The following OVCH1 variants were observed in gnomAD, a reference collection of about 807,000 sequenced individuals.
The protein encoded by OVCH1 is ovochymase 1, also known as ovochymase-1.
OVCH1 carries 139 observed loss-of-function variants against 138.4 expected under a neutral mutation model. The observed-to-expected ratio is 1.00, with a 90% CI of 0.87 to 1.16. The LOEUF is 1.16. Ranked by LOEUF, OVCH1 falls within the 50% of genes most tolerant of loss-of-function variation. The pLI is 0.00. For synonymous variants in OVCH1, 453 were observed against 467.8 expected (o/e 0.97, Z 0.41); for missense variants, 1,367 against 1,357.9 (o/e 1.01, Z -0.11).
At chr12:29,464,136 A>T (rs967852971) in intron 18 of OVCH1, among the ~76,000 whole-genome samples, 13 of 152,306 alleles carry the variant, frequency 8.5e-5, no homozygotes, top group Admixed American at 4.6e-4. Context: ...TAAATTTTAT[A>T]AATTAAGTTC....
chr12:29,497,578 G>A (rs751592086), intron 1 of OVCH1, 45 bp downstream of exon 1: 2 of 1,607,340 alleles, frequency 1.2e-6, no homozygotes, highest in Non-Finnish European at 1.7e-6. Flanking sequence ...TCTCCAGCAC[G>A]CTCAGCCTCC....
intron 16 of OVCH1, among the ~76,000 whole-genome samples, chr12:29,466,052 A>T (rs1458332429): frequency 1.4e-5 from 2 of 138,864 alleles, no homozygotes; most frequent in Non-Finnish European, 3.1e-5. Context: ...AATAATGAGA[A>T]CACCTAGACA....
At chr12:29,437,708 T>C (rs1287797278) in intron 26 of OVCH1, among the ~76,000 whole-genome samples, 2 of 152,214 alleles carry the variant, frequency 1.3e-5, no homozygotes, top group Non-Finnish European at 2.9e-5. Context: ...ACAAGAGATT[T>C]AATTTAGATT....
chr12:29,415,939 T>C (rs73069506), intron 3 of OVCH1, among the ~76,000 whole-genome samples: 2 of 151,916 alleles, frequency 1.3e-5, no homozygotes, highest in Non-Finnish European at 1.5e-5. Flanking sequence ...TGTGAAAGGA[T>C]AGAAACATAG....
At chr12:29,472,595 C>G (rs1410186997) in intron 15 of OVCH1, among the ~76,000 whole-genome samples, 1 of 152,138 alleles carries the variant, frequency 6.6e-6, no homozygotes, top group African/African-American at 2.4e-5. Context: ...CTATTCCAGT[C>G]CATCAACTTG....
At position 29,462,137 on chromosome 12, in the gene OVCH1, G is replaced by A. The variant is rs928253785; in HGVS notation, c.2126-129C>T. The A allele has an allele frequency of 1.1e-5, 11 of 1,007,264 alleles. No homozygotes were observed. In the African/African-American group the frequency reaches 1.4e-4, roughly 13 times the overall value. The allele number at this position is 1,007,264 out of a possible 1,614,324, so 62.4% of individuals were successfully genotyped here. A position where few individuals can be genotyped will look rare whatever the true frequency, so the allele number is the denominator to read the frequency against. On this transcript the variant is annotated intron_variant, in intron 18 of 27. Transcript: ENST00000318184. ...GTCATTCAGTTTGGCCTGAGCTGATGTAGAATTCTGAATTTAAAAAATACA... is the reference window on the plus strand; with the variant it reads ...GTCATTCAGTTTGGCCTGAGCTGATATAGAATTCTGAATTTAAAAAATACA...
chr12:29,452,931 G>C (rs752683985), intron 21 of OVCH1, among the ~76,000 whole-genome samples: 1 of 152,236 alleles, frequency 6.6e-6, no homozygotes, highest in South Asian at 2.1e-4. Flanking sequence ...AGTTTTTGGC[G>C]TGCATAACCA....
At chr12:29,439,261 A>G in intron 26 of OVCH1, 1 of 1,309,286 alleles carries the variant, frequency 7.6e-7, no homozygotes, top group Non-Finnish European at 9.8e-7. Context: ...CACTTCTCTT[A>G]TTTATTGTTC....
At chr12:29,415,202 A>G (rs1941016357) in intron 3 of OVCH1, among the ~76,000 whole-genome samples, 1 of 152,216 alleles carries the variant, frequency 6.6e-6, no homozygotes. Context: ...AGTAGGAAGC[A>G]CAGTCCTCGG....
chr12:29,419,864 A>C (rs899262225), intron 3 of OVCH1, among the ~76,000 whole-genome samples: 1 of 152,188 alleles, frequency 6.6e-6, no homozygotes, highest in Admixed American at 6.5e-5. Flanking sequence ...CTCCCCAAAC[A>C]GTTTTGAACA....
At chr12:29,486,651 G>A (rs2136071842) in intron 7 of OVCH1, among the ~76,000 whole-genome samples, 1 of 152,236 alleles carries the variant, frequency 6.6e-6, no homozygotes, top group East Asian at 1.9e-4. Context: ...CCAAAGCATA[G>A]CCAGTTCTGG....
At chr12:29,478,864 G>A in exon 9 of OVCH1, 1 of 1,593,710 alleles carries the variant, frequency 6.3e-7, no homozygotes, top group Non-Finnish European at 8.5e-7. Flanking sequence ...TGATCGTAAA[G>A]ATACATAGTC....
chr12:29,424,295 G>T (rs1382803355), downstream of OVCH1, among the ~76,000 whole-genome samples: 1 of 152,184 alleles, frequency 6.6e-6, no homozygotes, highest in Non-Finnish European at 1.5e-5. Flanking sequence ...GTTTAAGAAC[G>T]CCTTTAAGCA....
intron 3 of OVCH1, among the ~76,000 whole-genome samples, chr12:29,412,971 T>TCCTA (rs1940979691): frequency 6.6e-6 from 1 of 151,496 alleles, no homozygotes; most frequent in Admixed American, 6.6e-5. Context: ...CTCCTAAGCC[T>TCCTA]ACTAACTAAC....
chr12:29,436,612 T>C (rs1319146283), intron 26 of OVCH1, among the ~76,000 whole-genome samples: 1 of 152,152 alleles, frequency 6.6e-6, no homozygotes, highest in Non-Finnish European at 1.5e-5. Flanking sequence ...AAAGATGGCG[T>C]GTCTAGAGTT....
rs1174730071 is a variant in OVCH1 at position 29,476,956 on chromosome 12, ATTTCT to A, written c.1377+141_1377+145del. 9 of 991,858 alleles carry A rather than the reference ATTTCT, an allele frequency of 9.1e-6. No homozygotes were observed. In the Admixed American group the frequency reaches 1.0e-4, roughly 11 times the overall value. The allele number at this position is 991,858 out of a possible 1,614,324, so 61.4% of individuals were successfully genotyped here. The stretch of plus-strand genomic sequence containing the variant: ...AAAGTTTTCAAAACCACTCACAGAG[ATTTCT>A]TTTCAGAGTAAAAAAAAATGGCAAA... On this transcript the variant is annotated intron_variant, in intron 12 of 27. Transcript: ENST00000318184.
chr12:29,404,382 C>A, the OVCH1 span, among the ~76,000 whole-genome samples: 1 of 151,938 alleles, frequency 6.6e-6, no homozygotes, highest in African/African-American at 2.4e-5. Flanking sequence ...GATTCCTGGC[C>A]GACATTAACC....
intron 27 of OVCH1, among the ~76,000 whole-genome samples, chr12:29,429,274 C>A (rs1224419332): frequency 6.6e-6 from 1 of 152,060 alleles, no homozygotes; most frequent in Non-Finnish European, 1.5e-5. Flanking sequence ...CCAAGAGTGC[C>A]AACTAATGGT....
At chr12:29,451,459 C>A (rs1347570) in exon 22 of OVCH1, 2 of 1,612,796 alleles carry the variant, frequency 1.2e-6, no homozygotes, top group African/African-American at 2.7e-5. Flanking sequence ...ATACTGCTTG[C>A]TGAAACTCTG....
Sources: gnomAD v4.1 joint callset for allele counts (sites outside exome capture counted in the v4.1 genomes callset) on GRCh38, gnomAD v4.1.1 for gene constraint, MANE v1.5 for transcripts, NCBI Gene and HGNC (gene_info 2026-07-23, HGNC 2026-07-21) for gene names.